LRRFIP1: variants seen among roughly 807,000 people sequenced by gnomAD.
LRRFIP1 encodes LRR binding FLII interacting protein 1, also known as leucine-rich repeat flightless-interacting protein 1.
A neutral mutation model predicts 104.4 loss-of-function variants in LRRFIP1; 62 were observed. The ratio of observed to expected loss-of-function variants is 0.59; its 90% CI spans 0.48 to 0.73. The LOEUF is 0.73. LRRFIP1 is among the 30% of genes least tolerant of loss of function. The pLI is 0.00. For synonymous variants in LRRFIP1, 300 were observed against 299.0 expected, an observed-to-expected ratio of 1.00 and a Z score of -0.03; for missense variants, 796 against 824.5, an observed-to-expected ratio of 0.97 and a Z score of 0.42.
chr2:237,648,352 A>G (rs2085316736), intron 1 of LRRFIP1, among the ~76,000 whole-genome samples: 1 of 151,846 alleles, frequency 6.6e-6, no homozygotes, highest in Non-Finnish European at 1.5e-5. Flanking sequence ...TATTTTAGGG[A>G]TTGTTCTTTG....
At chr2:237,741,309 G>C (rs1377434834) in intron 11 of LRRFIP1, among the ~76,000 whole-genome samples, 1 of 152,218 alleles carries the variant, frequency 6.6e-6, no homozygotes, top group East Asian at 1.9e-4. Flanking sequence ...GAAAGTAAAT[G>C]GTTGTGAACA....
At chr2:237,732,124 C>T (rs1057348368) in intron 8 of LRRFIP1, among the ~76,000 whole-genome samples, 17 of 151,858 alleles carry the variant, frequency 1.1e-4, no homozygotes, top group African/African-American at 3.9e-4. Flanking sequence ...TAATTTGGCC[C>T]CATCTCCTAG....
intron 9 of LRRFIP1, among the ~76,000 whole-genome samples, chr2:237,734,681 A>G (rs1165795093): frequency 6.6e-6 from 1 of 152,224 alleles, no homozygotes; most frequent in Non-Finnish European, 1.5e-5. Flanking sequence ...AAATAGGGAA[A>G]TTAAAGTTCC....
At chr2:237,636,294 C>T (rs1165979421) in intron 1 of LRRFIP1, among the ~76,000 whole-genome samples, 2 of 148,850 alleles carry the variant, frequency 1.3e-5, no homozygotes, top group African/African-American at 2.5e-5. Flanking sequence ...TTCTGTCTTA[C>T]AGTAATTTCT....
chr2:237,764,449 T>C, intron 19 of LRRFIP1: 1 of 1,231,906 alleles, frequency 8.1e-7, no homozygotes, highest in Non-Finnish European at 1.0e-6. Flanking sequence ...ATTTACTATT[T>C]GCCTTAGGCT....
Position 237,692,511 on chromosome 2 carries a change from C to A in LRRFIP1, c.97-16033C>A, listed in dbSNP as rs759864541. The A allele has an allele frequency of 6.9e-5, 105 of 1,531,076 alleles. 1 individual carries two copies. The highest frequency in any genetic ancestry group is 9.0e-5 in the Non-Finnish European group (102 of 1,136,546). 94.8% of individuals were successfully genotyped at this position (1,531,076 alleles called of 1,614,324 possible). On this transcript the variant is annotated intron_variant, in intron 1 of 23. Coordinates refer to ENST00000308482, the MANE Select transcript of LRRFIP1 (RefSeq NM_001137550.2). ...GAGATCGACTGTTTGAGCCCGGAAG[C>A]GCAGAAGCTGGTAAGAGGAAAGCGC...
In LRRFIP1 at chr2:237,661,615, G is replaced by A. The variant is rs1172488777; in HGVS notation, c.96+33875G>A. ...TGAAACCATCCTTGTCCTCACTGTCGATGGAATTTTTCAGTGATACCTAAC... is the reference window on the plus strand; with the variant it reads ...TGAAACCATCCTTGTCCTCACTGTCAATGGAATTTTTCAGTGATACCTAAC... On this transcript the variant is annotated intron_variant, in intron 1 of 23. Coordinates refer to ENST00000308482, the MANE Select transcript of LRRFIP1 (RefSeq NM_001137550.2). The surrounding 1 kb of genome is among the most constrained non-coding windows in gnomAD (Gnocchi z 4.4). 2.0e-5 allele frequency among the ~76,000 whole-genome samples: 3 copies of A among 152,110 alleles called. No homozygotes were observed. Among genetic ancestry groups the A allele is most frequent in the East Asian group, 1.9e-4 (1 of 5,194 alleles).
chr2:237,668,128 G>A lies in LRRFIP1; in HGVS notation c.96+40388G>A, dbSNP rs565521639. 4.6e-5 allele frequency among the ~76,000 whole-genome samples: 7 copies of A among 152,124 alleles called. No individual in the cohort carries two copies. The East Asian group carries it at 5.8e-4, about 13-fold the overall frequency. On this transcript the variant is annotated intron_variant, in intron 1 of 23. Coordinates refer to ENST00000308482, the MANE Select transcript of LRRFIP1 (RefSeq NM_001137550.2). Reference sequence around the variant, plus strand: ...CCCCCACCTCAGAGCTGCCTGAGCCGGGGCTCCCCCGAGCTTGTTCCCCTC... The same window carrying A: ...CCCCCACCTCAGAGCTGCCTGAGCCAGGGCTCCCCCGAGCTTGTTCCCCTC...
rs1010082495 is a variant in LRRFIP1, at chr2:237,703,022, C to T, written c.97-5522C>T. ...GCTTCAGGGTGTAGGACCCCAGGAG[C>T]AGGCAAGGGCTTGCTCTTTCCCTGT... is the stretch of plus-strand genomic sequence containing the variant. On this transcript the variant is annotated intron_variant, in intron 1 of 23. Coordinates refer to ENST00000308482, the MANE Select transcript of LRRFIP1 (RefSeq NM_001137550.2). This position sits in a 1 kb window ranked among gnomAD's most constrained non-coding sequence, Gnocchi z 4.3. 1.3e-5 allele frequency among the ~76,000 whole-genome samples: 2 copies of T among 152,184 alleles called. No individual in the cohort carries two copies. The highest frequency in any genetic ancestry group is 2.9e-5 in the Non-Finnish European group (2 of 68,036).
intron 1 of LRRFIP1, among the ~76,000 whole-genome samples, chr2:237,669,331 G>A (rs947594747): frequency 2.0e-5 from 3 of 152,228 alleles, no homozygotes; most frequent in Non-Finnish European, 4.4e-5. Context: ...TGTGTTGTCT[G>A]AGAGTGTCTT....
chr2:237,688,016 A>T (rs1486016788), intron 1 of LRRFIP1, among the ~76,000 whole-genome samples: 1 of 152,246 alleles, frequency 6.6e-6, no homozygotes, highest in Non-Finnish European at 1.5e-5. Context: ...TGATGTTCCT[A>T]GAACAAAATT....
At chr2:237,641,300 T>C (rs1197400121) in intron 1 of LRRFIP1, among the ~76,000 whole-genome samples, 1 of 151,510 alleles carries the variant, frequency 6.6e-6, no homozygotes, top group Non-Finnish European at 1.5e-5. Context: ...TCACCTGAGG[T>C]TAGGAGTTCA....
intron 1 of LRRFIP1, among the ~76,000 whole-genome samples, chr2:237,701,996 G>C (rs1276741969): frequency 6.6e-6 from 1 of 152,174 alleles, no homozygotes; most frequent in Non-Finnish European, 1.5e-5. Flanking sequence ...TGTGGGCTGG[G>C]TGCCTGGCAG....
At position 237,723,564 on chromosome 2, in the gene LRRFIP1, A is replaced by G; in HGVS notation, c.362A>G (p.Glu121Gly). The change falls in exon 7 of 24, where the codon GAG becomes GGG. Residue 121 changes from glutamate to glycine, a missense_variant. Transcript: ENST00000308482. ...RGSLRSQPDL[E>G]YGGPYAWTNG... Reference sequence around the variant, plus strand: ...TTCTGACAGTCGCAGCCTGACTTGGAGTATGGGGGTCCTTACGCCTGGGTG... The same window carrying G: ...TTCTGACAGTCGCAGCCTGACTTGGGGTATGGGGGTCCTTACGCCTGGGTG... 6.2e-7 allele frequency: 1 copy of G among 1,613,114 alleles called. No individual in the cohort carries two copies. The highest frequency in any genetic ancestry group is 8.5e-7 in the Non-Finnish European group (1 of 1,179,720).
chr2:237,729,233 G>T (rs888543636), intron 8 of LRRFIP1, among the ~76,000 whole-genome samples: 1 of 152,108 alleles, frequency 6.6e-6, no homozygotes, highest in Non-Finnish European at 1.5e-5. Flanking sequence ...GGCTGGATGC[G>T]ACATTTTAAA....
intron 1 of LRRFIP1, among the ~76,000 whole-genome samples, chr2:237,653,155 CTT>C (rs2086217131): frequency 6.6e-6 from 1 of 152,182 alleles, no homozygotes; most frequent in Non-Finnish European, 1.5e-5. Context: ...AATTAAATCT[CTT>C]TTCTTCATAA....
Position 237,771,042 on chromosome 2 carries a change from T to TA in LRRFIP1, c.1510-1036dup, listed in dbSNP as rs912414396. The stretch of plus-strand genomic sequence containing the variant: ...TTCCTGAGTTCTATCCTTACTTCCT[T>TA]AAAGCAGCATGCACTTTTGGTTTGT... On this transcript the variant is annotated intron_variant, in intron 20 of 23. Transcript: ENST00000308482. 1.9e-4 allele frequency among the ~76,000 whole-genome samples: 29 copies of TA among 152,186 alleles called. 1 individual carries two copies. The highest frequency in any genetic ancestry group is 6.8e-4 in the African/African-American group (28 of 41,448).
intron 1 of LRRFIP1, among the ~76,000 whole-genome samples, chr2:237,631,550 C>T (rs1305324790): frequency 6.6e-6 from 1 of 152,158 alleles, no homozygotes; most frequent in South Asian, 2.1e-4. Context: ...AGGTTTAGTA[C>T]GCACTTGCAG....
intron 1 of LRRFIP1, among the ~76,000 whole-genome samples, chr2:237,689,397 C>T (rs2149726179): frequency 6.6e-6 from 1 of 152,334 alleles, no homozygotes; most frequent in African/African-American, 2.4e-5. Flanking sequence ...CAGAATGTAG[C>T]ATCCTCTCAT....
Sources: allele counts gnomAD v4.1 joint callset (sites outside exome capture counted in the v4.1 genomes callset), GRCh38; gene constraint gnomAD v4.1.1; non-coding constraint Gnocchi (gnomAD v3.1); transcripts MANE v1.5; gene names NCBI Gene and HGNC (gene_info 2026-07-23, HGNC 2026-07-21).